GPR19: variants seen among roughly 807,000 people sequenced by gnomAD.
GPR19 encodes the protein G protein-coupled receptor 19, also known as probable G protein-coupled receptor 19.
In GPR19, 14 loss-of-function variants were observed where a neutral mutation model predicts 28.5. The ratio of observed to expected loss-of-function variants is 0.49; its 90% CI spans 0.32 to 0.77. The LOEUF is 0.77. Among genes scored for constraint, GPR19 ranks in the 30% least tolerant of loss-of-function variants. GPR19 has a pLI of 0.03. For synonymous variants in GPR19, 173 were observed against 184.1 expected (o/e 0.94, Z 0.49); for missense variants, 409 against 504.1 (o/e 0.81, Z 1.81).
the GPR19 span, among the ~76,000 whole-genome samples, chr12:12,707,234 A>T: frequency 6.6e-6 from 1 of 152,156 alleles, no homozygotes; most frequent in African/African-American, 2.4e-5. Context: ...TTCTACTCAA[A>T]TATCACTTTA....
chr12:12,682,637 G>T (rs1946038365), intron 3 of GPR19, among the ~76,000 whole-genome samples: 1 of 152,132 alleles, frequency 6.6e-6, no homozygotes, highest in Non-Finnish European at 1.5e-5. Flanking sequence ...GGGATCAAAT[G>T]CTTAAGCTAA....
the GPR19 span, among the ~76,000 whole-genome samples, chr12:12,702,666 TCAAAA>T: frequency 1.3e-5 from 2 of 152,182 alleles, no homozygotes; most frequent in Non-Finnish European, 2.9e-5. Flanking sequence ...TGAGAATCAC[TCAAAA>T]CAAACCAGTA....
upstream of GPR19, among the ~76,000 whole-genome samples, chr12:12,697,606 A>C (rs1054142870): frequency 6.6e-6 from 1 of 152,254 alleles, no homozygotes; most frequent in African/African-American, 2.4e-5. Flanking sequence ...ACTTGTAACA[A>C]GAAATTTTCT....
intron 2 of GPR19, among the ~76,000 whole-genome samples, chr12:12,691,745 T>C (rs1018136884): frequency 2.0e-5 from 3 of 152,170 alleles, no homozygotes; most frequent in Admixed American, 2.0e-4. Context: ...TGAATAAGCA[T>C]GACTTTTGAG....
Position 12,686,447 on chromosome 12 carries a change from G to T in GPR19, c.-179-1940C>A, listed in dbSNP as rs181448420. Among the ~76,000 whole-genome samples the T allele has an allele frequency of 4.6e-3, 708 of 152,264 alleles. 2 individuals are homozygous for T. The highest frequency in any genetic ancestry group is 8.4e-3 in the Non-Finnish European group (573 of 68,016). On this transcript the variant is annotated intron_variant, in intron 2 of 3. Coordinates refer to ENST00000651487, the MANE Select transcript of GPR19 (RefSeq NM_006143.3). ...AAGAAATTCTTTGAGTCAGCAGGTT[G>T]GTGACTTGGATATCATCTCCTCTCT...
chr12:12,714,595 G>GT, the GPR19 span, among the ~76,000 whole-genome samples: 1 of 152,164 alleles, frequency 6.6e-6, no homozygotes, highest in Non-Finnish European at 1.5e-5. Context: ...AGGACTGGGG[G>GT]TTTTGGGGAA....
the GPR19 span, among the ~76,000 whole-genome samples, chr12:12,707,314 G>T: frequency 6.6e-6 from 1 of 152,166 alleles, no homozygotes; most frequent in Admixed American, 6.5e-5. Flanking sequence ...TAGTTGATTT[G>T]TCGTGTTAGC....
chr12:12,674,209 CAAA>C (rs35775784), intron 3 of GPR19, among the ~76,000 whole-genome samples: 1,088 of 53,938 alleles, frequency 0.02, 11 homozygotes, highest in African/African-American at 0.07. Context: ...GACTTTGTCT[CAAA>C]AAAAAAAAAA....
At chr12:12,674,643 A>G (rs1275276530) in intron 3 of GPR19, among the ~76,000 whole-genome samples, 1 of 152,218 alleles carries the variant, frequency 6.6e-6, no homozygotes, top group African/African-American at 2.4e-5. Context: ...ATATCCACGT[A>G]GAGATATCAG....
the GPR19 span, among the ~76,000 whole-genome samples, chr12:12,709,101 A>G: frequency 1.3e-5 from 2 of 152,158 alleles, no homozygotes; most frequent in Non-Finnish European, 2.9e-5. Flanking sequence ...CTTGGGTTCA[A>G]CCAACAGAAA....
intron 3 of GPR19, among the ~76,000 whole-genome samples, chr12:12,677,831 T>C (rs1319610748): frequency 6.6e-6 from 1 of 151,760 alleles, no homozygotes; most frequent in African/African-American, 2.4e-5. Flanking sequence ...CCCAGCACTT[T>C]GGGAGGCCAA....
the GPR19 span, among the ~76,000 whole-genome samples, chr12:12,706,217 G>A: frequency 6.6e-6 from 1 of 152,184 alleles, no homozygotes; most frequent in South Asian, 2.1e-4. Flanking sequence ...TCAGTTTTCA[G>A]TGTTTATCTT....
At chr12:12,679,184 A>T (rs556857126) in intron 3 of GPR19, among the ~76,000 whole-genome samples, 38 of 152,094 alleles carry the variant, frequency 2.5e-4, no homozygotes, top group Non-Finnish European at 4.4e-4. Flanking sequence ...ATCAGAGATA[A>T]TTCTGCCTCA....
chr12:12,675,036 A>T (rs1345468425), intron 3 of GPR19, among the ~76,000 whole-genome samples: 2 of 152,126 alleles, frequency 1.3e-5, no homozygotes, highest in Non-Finnish European at 2.9e-5. Flanking sequence ...ACCCTCCAGG[A>T]CCCCTGCTGC....
At chr12:12,703,460 G>A in the GPR19 span, 1 of 981,912 alleles carries the variant, frequency 1.0e-6, no homozygotes, top group Non-Finnish European at 1.2e-6. Context: ...CAGGTAAATG[G>A]TAATCAAAGA....
intron 2 of GPR19, among the ~76,000 whole-genome samples, chr12:12,694,532 C>G (rs1441211276): frequency 6.6e-6 from 1 of 152,094 alleles, no homozygotes; most frequent in East Asian, 1.9e-4. Context: ...TTAAAGCTCC[C>G]TAAATACAGA....
intron 2 of GPR19, chr12:12,688,645 T>C (rs1017461332): frequency 9.9e-5 from 15 of 152,228 alleles, no homozygotes; most frequent in African/African-American, 2.9e-4. Context: ...AATAGCATGG[T>C]CAGACACAGA....
chr12:12,717,211 C>G, the GPR19 span: 1 of 1,050,592 alleles, frequency 9.5e-7, no homozygotes, highest in Non-Finnish European at 1.2e-6. Flanking sequence ...CCCGGCGGCG[C>G]TCGGGGAGGC....
chr12:12,696,951 A>T (rs1269372473), upstream of GPR19, among the ~76,000 whole-genome samples: 1 of 152,182 alleles, frequency 6.6e-6, no homozygotes, highest in Non-Finnish European at 1.5e-5. Flanking sequence ...GAACCTGAGG[A>T]AAACAATAGC....
Sources: allele counts gnomAD v4.1 joint callset (sites outside exome capture counted in the v4.1 genomes callset), GRCh38; gene constraint gnomAD v4.1.1; transcripts MANE v1.5; gene names NCBI Gene and HGNC (gene_info 2026-07-23, HGNC 2026-07-21).